The following ZFYVE28 variants were observed in gnomAD, a reference collection of about 807,000 sequenced individuals.
ZFYVE28 encodes zinc finger FYVE-type containing 28, also known as lateral signaling target protein 2 homolog.
ZFYVE28 carries 40 observed loss-of-function variants against 82.1 expected under a neutral mutation model. The ratio of observed to expected loss-of-function variants is 0.49; its 90% CI spans 0.38 to 0.63. The LOEUF is 0.63. Among genes scored for constraint, ZFYVE28 ranks in the 30% least tolerant of loss-of-function variants. ZFYVE28 has a pLI of 0.00. For missense variants in ZFYVE28, 1,321 were observed against 1,242.1 expected (o/e 1.06, Z -0.96); for synonymous variants, 612 against 546.1 (o/e 1.12, Z -1.68).
chr4:2,400,990 G>A (rs1731111402), intron 1 of ZFYVE28, among the ~76,000 whole-genome samples: 1 of 152,218 alleles, frequency 6.6e-6, no homozygotes, highest in Non-Finnish European at 1.5e-5. Flanking sequence ...GCTATTGACT[G>A]TGGTTGACTT....
chr4:2,280,630 A>G (rs1415481608), intron 8 of ZFYVE28, among the ~76,000 whole-genome samples: 1 of 152,280 alleles, frequency 6.6e-6, no homozygotes, highest in Non-Finnish European at 1.5e-5. Context: ...TAGTAAGATT[A>G]CAGGTAAATT....
At chr4:2,324,947 C>G (rs1719645312) in intron 6 of ZFYVE28, 1 of 180,066 alleles carries the variant, frequency 5.6e-6, no homozygotes, top group African/African-American at 2.4e-5. Flanking sequence ...CCTCCAAAGA[C>G]TCTATCTTAT....
intron 2 of ZFYVE28, among the ~76,000 whole-genome samples, chr4:2,350,737 A>C (rs1366945654): frequency 6.6e-6 from 1 of 152,172 alleles, no homozygotes; most frequent in African/African-American, 2.4e-5. Context: ...ACCAACAGCC[A>C]ATGATATATA....
intron 8 of ZFYVE28, 134 bp downstream of exon 8, chr4:2,304,153 ACT>A: frequency 8.6e-7 from 1 of 1,166,696 alleles, no homozygotes; most frequent in Non-Finnish European, 1.2e-6. Flanking sequence ...CAGACCCCAC[ACT>A]CGGCCAGGGC....
chr4:2,308,888 T>C (rs903780085), intron 7 of ZFYVE28, among the ~76,000 whole-genome samples: 6 of 152,196 alleles, frequency 3.9e-5, no homozygotes, highest in African/African-American at 1.2e-4. Context: ...TCTCTCTGAA[T>C]GGAATTGCTG....
intron 4 of ZFYVE28, among the ~76,000 whole-genome samples, chr4:2,337,822 G>A (rs1578155649): frequency 6.6e-6 from 1 of 152,090 alleles, no homozygotes; most frequent in Non-Finnish European, 1.5e-5. Flanking sequence ...AGTGAATGGT[G>A]ATGGTGCCAC....
rs1321518973 is a variant in ZFYVE28 at position 2,320,319 on chromosome 4, G to A, written c.702-48C>T. 6.6e-7 allele frequency: 1 copy of A among 1,517,686 alleles called. No individual in the cohort carries two copies. The highest frequency in any genetic ancestry group is 2.3e-5 in the East Asian group (1 of 43,180). The allele number at this position is 1,517,686 out of a possible 1,614,324, so 94.0% of individuals were successfully genotyped here. On this transcript the variant is annotated intron_variant, in intron 6 of 12. Coordinates refer to ENST00000290974, the MANE Select transcript of ZFYVE28 (RefSeq NM_020972.3). This position sits in a 1 kb window ranked among gnomAD's most constrained non-coding sequence, Gnocchi z 5.1. ...AGGATGTCAGGCCCTGTGGCCCCCT[G>A]GGTGCCGCGGACGGCCCAACTTAAC...
chr4:2,290,966 G>A (rs184795390), intron 8 of ZFYVE28, among the ~76,000 whole-genome samples: 21 of 152,294 alleles, frequency 1.4e-4, no homozygotes, highest in South Asian at 4.1e-4. Flanking sequence ...GTTTTTCTTC[G>A]TAATTACATA....
intron 1 of ZFYVE28, among the ~76,000 whole-genome samples, chr4:2,395,882 C>T (rs1441094642): frequency 6.6e-6 from 1 of 152,176 alleles, no homozygotes; most frequent in Admixed American, 6.5e-5. Flanking sequence ...TGACACTTGG[C>T]GCCAGGGGGT....
chr4:2,333,526 G>A (rs942181099), intron 6 of ZFYVE28, among the ~76,000 whole-genome samples: 1 of 152,072 alleles, frequency 6.6e-6, no homozygotes, highest in Non-Finnish European at 1.5e-5. Flanking sequence ...CAGTATGCCT[G>A]GGGTGCGGCC....
intron 10 of ZFYVE28, 50 bp downstream of exon 10, chr4:2,273,123 G>T: frequency 6.8e-7 from 1 of 1,466,152 alleles, no homozygotes; most frequent in Non-Finnish European, 9.4e-7. Flanking sequence ...TGTGGGCAGG[G>T]ACACGGCCAC....
chr4:2,323,780 G>A lies in ZFYVE28; in HGVS notation c.702-3509C>T, dbSNP rs541033440. 3.2e-4 allele frequency among the ~76,000 whole-genome samples: 47 copies of A among 145,546 alleles called. No individual in the cohort carries two copies. The South Asian group carries it at 6.8e-3, about 21-fold the overall frequency. On this transcript the variant is annotated intron_variant, in intron 6 of 12. Coordinates refer to ENST00000290974, the MANE Select transcript of ZFYVE28 (RefSeq NM_020972.3). The stretch of plus-strand genomic sequence containing the variant: ...CATTGTTCAATTCCCACCTATGAGT[G>A]AGAATATGCGGTGTTTGGTTTTTTG...
At position 2,332,302 on chromosome 4, in the gene ZFYVE28, G is replaced by A. The variant is rs1560217115; in HGVS notation, c.701+3403C>T. Among the ~76,000 whole-genome samples, 1 of 152,164 alleles carries A rather than the reference G, an allele frequency of 6.6e-6. No homozygotes were observed. Among genetic ancestry groups the A allele is most frequent in the Non-Finnish European group, 1.5e-5 (1 of 68,012 alleles). On this transcript the variant is annotated intron_variant, in intron 6 of 12. Transcript: ENST00000290974. This position sits in a 1 kb window ranked among gnomAD's most constrained non-coding sequence, Gnocchi z 4.7. ...GGGCCCAGGAATGCAGGCTAGAGGGGTCTTCATTTCTGCAGAAGTTCCTGC... is the reference window on the plus strand; with the variant it reads ...GGGCCCAGGAATGCAGGCTAGAGGGATCTTCATTTCTGCAGAAGTTCCTGC...
At chr4:2,399,093 C>CCAGGGCACAAGCGTGGAGGTGAGATA (rs1730868256) in intron 1 of ZFYVE28, among the ~76,000 whole-genome samples, 2 of 45,692 alleles carry the variant, frequency 4.4e-5, no homozygotes, top group Admixed American at 3.2e-4. Context: ...AAGGTGAGAT[C>CCAGGGCACAAGCGTGGAGGTGAGATA]CAGGGCACAA....
chr4:2,310,395 G>C (rs1480979921), intron 7 of ZFYVE28, among the ~76,000 whole-genome samples: 2 of 152,080 alleles, frequency 1.3e-5, no homozygotes, highest in Admixed American at 6.6e-5. Flanking sequence ...TCATTTGTCT[G>C]TATCTTTTTA....
chr4:2,270,994 T>C, intron 12 of ZFYVE28, 138 bp from the exon 13 acceptor site: 1 of 1,335,202 alleles, frequency 7.5e-7, no homozygotes, highest in South Asian at 1.4e-5. Context: ...CTGCCAGGGG[T>C]TGTGACCTTC....
rs28701824 is a variant in ZFYVE28 at position 2,281,906 on chromosome 4, G to A, written c.2052-7690C>T. On this transcript the variant is annotated intron_variant, in intron 8 of 12. Coordinates refer to ENST00000290974, the MANE Select transcript of ZFYVE28 (RefSeq NM_020972.3). ...CCACACACATTAACAATACAGAGCC[G>A]AGAAGTGAGCTGGTGCCCAGCGGGT... Among the ~76,000 whole-genome samples, 1,318 of 152,290 alleles carry A rather than the reference G, an allele frequency of 8.7e-3. 16 individuals carry two copies. Among genetic ancestry groups the A allele is most frequent in the African/African-American group, 0.03 (1,250 of 41,560 alleles).
chr4:2,403,621 C>A (rs530662742), intron 1 of ZFYVE28, among the ~76,000 whole-genome samples: 1 of 152,152 alleles, frequency 6.6e-6, no homozygotes, highest in African/African-American at 2.4e-5. Flanking sequence ...CCTCTCAGGC[C>A]CCTCTCAGCA....
intron 8 of ZFYVE28, among the ~76,000 whole-genome samples, chr4:2,277,058 CA>C (rs1265528412): frequency 6.6e-6 from 1 of 152,126 alleles, no homozygotes; most frequent in Non-Finnish European, 1.5e-5. Context: ...AAGTACATGG[CA>C]GAAGGCCGGA....
Sources: gnomAD v4.1 joint callset for allele counts (sites outside exome capture counted in the v4.1 genomes callset) on GRCh38, gnomAD v4.1.1 for gene constraint, Gnocchi (gnomAD v3.1) non-coding constraint, MANE v1.5 for transcripts, NCBI Gene and HGNC (gene_info 2026-07-23, HGNC 2026-07-21) for gene names.